The following PHACTR1 variants were observed in gnomAD, a reference collection of about 807,000 sequenced individuals.
The protein encoded by PHACTR1 is RPEL repeat containing 1.
PHACTR1 carries 16 observed loss-of-function variants against 69.2 expected under a neutral mutation model. That is an observed-to-expected ratio of 0.23 (90% CI 0.16 to 0.35). PHACTR1 has a LOEUF of 0.35. Among genes scored for constraint, PHACTR1 ranks in the 10% least tolerant of loss-of-function variants. The probability of loss-of-function intolerance (pLI) is 1.00; values close to 1 mark genes in which losing one functional copy is unlikely to be tolerated. For missense variants in PHACTR1, 510 were observed against 734.7 expected (o/e 0.69, Z 3.54); for synonymous variants, 312 against 284.5 (o/e 1.10, Z -0.97).
chr6:13,026,036 A>G (rs1460714940), intron 4 of PHACTR1, among the ~76,000 whole-genome samples: 2 of 152,220 alleles, frequency 1.3e-5, no homozygotes, highest in African/African-American at 4.8e-5. Context: ...CTTTTAAGCC[A>G]TAATTATGAC....
intron 5 of PHACTR1, among the ~76,000 whole-genome samples, chr6:13,070,232 C>A (rs1809293902): frequency 6.6e-6 from 1 of 152,126 alleles, no homozygotes; most frequent in African/African-American, 2.4e-5. Flanking sequence ...TCTAGATATG[C>A]ATTGGTGTCT....
chr6:12,926,919 A>T (rs1031589213), intron 4 of PHACTR1, among the ~76,000 whole-genome samples: 1 of 152,174 alleles, frequency 6.6e-6, no homozygotes, highest in South Asian at 2.1e-4. Flanking sequence ...AAGTCTTTTC[A>T]TGCCTCTGTG....
chr6:12,753,182 C>G (rs966929308), intron 4 of PHACTR1, among the ~76,000 whole-genome samples: 2 of 152,214 alleles, frequency 1.3e-5, no homozygotes, highest in Admixed American at 1.3e-4. Flanking sequence ...TGTATTCTCA[C>G]TTAGAATGAA....
chr6:13,106,093 G>C (rs1396617797), intron 5 of PHACTR1, among the ~76,000 whole-genome samples: 1 of 152,114 alleles, frequency 6.6e-6, no homozygotes, highest in Admixed American at 6.5e-5. Flanking sequence ...GGAGGAAGTA[G>C]GATATGATTG....
chr6:13,258,466 C>T (rs900093299), intron 10 of PHACTR1, among the ~76,000 whole-genome samples: 3 of 152,050 alleles, frequency 2.0e-5, no homozygotes, highest in South Asian at 2.1e-4. Context: ...TAAGGTGCTA[C>T]GGGAATGAGA....
At chr6:13,248,023 C>T (rs564210576) in intron 10 of PHACTR1, among the ~76,000 whole-genome samples, 113 of 152,324 alleles carry the variant, frequency 7.4e-4, no homozygotes, top group African/African-American at 9.1e-4. Context: ...TTCAATTACT[C>T]GGCACTGCCT....
At chr6:13,212,019 T>A (rs1344265621) in intron 8 of PHACTR1, among the ~76,000 whole-genome samples, 6 of 152,222 alleles carry the variant, frequency 3.9e-5, no homozygotes, top group African/African-American at 1.4e-4. Flanking sequence ...GGTTGGTTTC[T>A]CCTGGGGACT....
chr6:13,281,584 A>G, intron 12 of PHACTR1: 1 of 182,304 alleles, frequency 5.5e-6, no homozygotes, highest in Non-Finnish European at 1.2e-5. Context: ...AAAAGAAAAT[A>G]ACACTTTGTC....
intron 4 of PHACTR1, among the ~76,000 whole-genome samples, chr6:12,772,522 T>C (rs879414340): frequency 1.3e-5 from 2 of 152,212 alleles, no homozygotes; most frequent in African/African-American, 2.4e-5. Context: ...ATTTTAAAGA[T>C]ATTTTGTGCC....
intron 4 of PHACTR1, among the ~76,000 whole-genome samples, chr6:12,921,295 C>G (rs1412288337): frequency 2.0e-5 from 3 of 152,160 alleles, no homozygotes; most frequent in African/African-American, 7.2e-5. Context: ...GCATTCACAC[C>G]CAGCTTTCTG....
At chr6:13,169,892 C>G (rs964245449) in intron 6 of PHACTR1, among the ~76,000 whole-genome samples, 3 of 152,200 alleles carry the variant, frequency 2.0e-5, no homozygotes, top group African/African-American at 7.2e-5. Flanking sequence ...TGTTTGTCCT[C>G]TAAGGTATCC....
chr6:13,144,353 AG>A (rs1822964387), intron 5 of PHACTR1, among the ~76,000 whole-genome samples: 1 of 152,234 alleles, frequency 6.6e-6, no homozygotes, highest in South Asian at 2.1e-4. Flanking sequence ...GAATTTAGCA[AG>A]ATCTCTGGAT....
At chr6:12,943,865 T>C (rs1018015613) in intron 4 of PHACTR1, among the ~76,000 whole-genome samples, 2 of 152,210 alleles carry the variant, frequency 1.3e-5, no homozygotes, top group South Asian at 4.1e-4. Context: ...GAGATAATAG[T>C]TAAGAATTTA....
intron 4 of PHACTR1, among the ~76,000 whole-genome samples, chr6:12,989,169 T>C (rs1466841174): frequency 1.3e-5 from 2 of 152,238 alleles, no homozygotes; most frequent in East Asian, 3.8e-4. Flanking sequence ...GACTTTCAGG[T>C]GGGCAAGCCA....
At chr6:13,129,679 A>G (rs1820099645) in intron 5 of PHACTR1, among the ~76,000 whole-genome samples, 1 of 152,268 alleles carries the variant, frequency 6.6e-6, no homozygotes, top group South Asian at 2.1e-4. Context: ...GACCTAAGAA[A>G]TGAGTTAGAC....
At chr6:13,271,418 G>A (rs779907030) in intron 10 of PHACTR1, among the ~76,000 whole-genome samples, 1 of 152,160 alleles carries the variant, frequency 6.6e-6, no homozygotes, top group Non-Finnish European at 1.5e-5. Flanking sequence ...GTGGTGACAC[G>A]GGAATGTCAC....
At chr6:13,226,921 A>G (rs1769845701) in intron 8 of PHACTR1, among the ~76,000 whole-genome samples, 1 of 152,040 alleles carries the variant, frequency 6.6e-6, no homozygotes, top group Non-Finnish European at 1.5e-5. Context: ...TATTTTTAGT[A>G]GAGAGAAGGT....
chr6:13,070,247 G>A (rs904515131), intron 5 of PHACTR1, among the ~76,000 whole-genome samples: 2 of 151,864 alleles, frequency 1.3e-5, no homozygotes, highest in East Asian at 3.9e-4. Flanking sequence ...GTGTCTTTTG[G>A]GTTTCCCCAG....
At chr6:12,944,907 C>T (rs563411612) in intron 4 of PHACTR1, among the ~76,000 whole-genome samples, 114 of 151,952 alleles carry the variant, frequency 7.5e-4, no homozygotes, top group African/African-American at 2.5e-3. Context: ...TTCAGCCTCC[C>T]GAGTAGCTGG....
Sources: allele counts gnomAD v4.1 joint callset (sites outside exome capture counted in the v4.1 genomes callset), GRCh38; gene constraint gnomAD v4.1.1; transcripts MANE v1.5; gene names NCBI Gene and HGNC (gene_info 2026-07-23, HGNC 2026-07-21).